Variants in CSMD1 observed in about 807,000 individuals in gnomAD.
CSMD1 encodes CUB and sushi domain-containing protein 1.
In CSMD1, 213 loss-of-function variants were observed where a neutral mutation model predicts 417.5. The ratio of observed to expected loss-of-function variants is 0.51; its 90% CI spans 0.46 to 0.57. CSMD1 has a LOEUF of 0.57. CSMD1 is among the 20% of genes least tolerant of loss of function. CSMD1 has a pLI of 0.00. For missense variants in CSMD1, 6,923 were observed against 4,529.7 expected, an observed-to-expected ratio of 1.53 and a Z score of -15.17; for synonymous variants, 2,862 against 1,736.8, an observed-to-expected ratio of 1.65 and a Z score of -16.11.
chr8:4,112,158 A>C (rs1419407217), intron 3 of CSMD1, among the ~76,000 whole-genome samples: 3 of 152,186 alleles, frequency 2.0e-5, no homozygotes, highest in Non-Finnish European at 4.4e-5. Flanking sequence ...CAGAGCTTAA[A>C]AGAGCTGGGC....
At chr8:3,293,369 G>T (rs1174924476) in intron 25 of CSMD1, among the ~76,000 whole-genome samples, 1 of 152,022 alleles carries the variant, frequency 6.6e-6, no homozygotes, top group Non-Finnish European at 1.5e-5. Context: ...TTGAATGTTG[G>T]CCTGCCTTGC....
intron 8 of CSMD1, among the ~76,000 whole-genome samples, chr8:3,593,112 C>T (rs374631501): frequency 6.3e-4 from 96 of 152,292 alleles, no homozygotes; most frequent in African/African-American, 2.1e-3. Flanking sequence ...GTCTGGCTAC[C>T]GCCAGAACTT....
chr8:3,149,274 G>C (rs1819045985), intron 40 of CSMD1, among the ~76,000 whole-genome samples: 1 of 152,144 alleles, frequency 6.6e-6, no homozygotes, highest in African/African-American at 2.4e-5. Flanking sequence ...GGAAAAATAA[G>C]TTAAGAAAAT....
At chr8:4,270,734 G>C (rs575814632) in intron 3 of CSMD1, among the ~76,000 whole-genome samples, 2 of 152,104 alleles carry the variant, frequency 1.3e-5, no homozygotes, top group Admixed American at 6.5e-5. Context: ...TAGAAATATT[G>C]TGTTTGAGGA....
At chr8:3,607,600 G>A (rs369982386) in intron 8 of CSMD1, among the ~76,000 whole-genome samples, 12 of 152,154 alleles carry the variant, frequency 7.9e-5, no homozygotes, top group Admixed American at 7.2e-4. Flanking sequence ...CCAGGCAATG[G>A]AAATCTTTCA....
chr8:4,609,198 C>T (rs1801039874), intron 2 of CSMD1, among the ~76,000 whole-genome samples: 1 of 152,054 alleles, frequency 6.6e-6, no homozygotes, highest in Non-Finnish European at 1.5e-5. Context: ...TCTGGTGTTC[C>T]AGACCAGCCT....
chr8:4,327,637 A>C (rs1799634661), intron 3 of CSMD1, among the ~76,000 whole-genome samples: 1 of 152,202 alleles, frequency 6.6e-6, no homozygotes, highest in Admixed American at 6.5e-5. Context: ...AAACAACAAC[A>C]ACAAAAAACA....
chr8:3,053,192 A>AATT (rs1434784044), intron 49 of CSMD1, among the ~76,000 whole-genome samples: 5 of 152,176 alleles, frequency 3.3e-5, no homozygotes, highest in Non-Finnish European at 5.9e-5. Context: ...AGCTCTTCAT[A>AATT]ATTATTTTTC....
chr8:3,883,228 A>C (rs1806322614), intron 5 of CSMD1, among the ~76,000 whole-genome samples: 1 of 152,304 alleles, frequency 6.6e-6, no homozygotes, highest in East Asian at 1.9e-4. Context: ...TGAATGATTC[A>C]TTTGACCTGT....
At chr8:4,184,266 C>G (rs1798541399) in intron 3 of CSMD1, among the ~76,000 whole-genome samples, 1 of 152,276 alleles carries the variant, frequency 6.6e-6, no homozygotes, top group South Asian at 2.1e-4. Flanking sequence ...AGCCCATATG[C>G]TCATTTATAA....
At position 4,360,980 on chromosome 8, in the gene CSMD1, A is replaced by G. The variant is rs528361978; in HGVS notation, c.415+58973T>C. Reference sequence around the variant, plus strand: ...GAGGAATACTTGACTGACAGTAGATATTTGACTAATATTTGAAGACATTTT... The same window carrying G: ...GAGGAATACTTGACTGACAGTAGATGTTTGACTAATATTTGAAGACATTTT... On this transcript the variant is annotated intron_variant, in intron 3 of 69. Transcript: ENST00000635120. Among the ~76,000 whole-genome samples the G allele has an allele frequency of 1.0e-3, 153 of 152,282 alleles. 1 individual carries two copies. In the South Asian group the frequency reaches 0.012, roughly 12 times the overall value.
intron 1 of CSMD1, among the ~76,000 whole-genome samples, chr8:4,885,856 T>A (rs565516819): frequency 6.4e-4 from 97 of 152,116 alleles, no homozygotes; most frequent in Non-Finnish European, 7.6e-4. Context: ...TTTGCTCTTA[T>A]CTGAAAACAA....
At chr8:4,465,622 G>C (rs1258312977) in intron 2 of CSMD1, among the ~76,000 whole-genome samples, 3 of 152,218 alleles carry the variant, frequency 2.0e-5, no homozygotes, top group African/African-American at 7.2e-5. Context: ...ATTAAGTTAA[G>C]GCCTCAGTAG....
intron 33 of CSMD1, among the ~76,000 whole-genome samples, chr8:3,193,707 T>C (rs1357617464): frequency 1.3e-5 from 2 of 152,136 alleles, no homozygotes; most frequent in Non-Finnish European, 2.9e-5. Flanking sequence ...AACAAAATGA[T>C]TGACTTCTCA....
chr8:4,530,227 G>C (rs1285905572), intron 2 of CSMD1, among the ~76,000 whole-genome samples: 5 of 145,764 alleles, frequency 3.4e-5, no homozygotes, highest in Admixed American at 2.8e-4. Flanking sequence ...ATTGTTATTT[G>C]TGACTGCATA....
chr8:4,407,742 G>C (rs920158078), intron 3 of CSMD1, among the ~76,000 whole-genome samples: 1 of 152,126 alleles, frequency 6.6e-6, no homozygotes, highest in Non-Finnish European at 1.5e-5. Context: ...ATGCATGTAA[G>C]CATTCCTTTA....
chr8:3,789,701 A>G (rs1033772428), intron 5 of CSMD1, among the ~76,000 whole-genome samples: 1 of 149,638 alleles, frequency 6.7e-6, no homozygotes, highest in Admixed American at 6.7e-5. Context: ...AGTATTTATC[A>G]TAGATGTTAA....
intron 2 of CSMD1, among the ~76,000 whole-genome samples, chr8:4,490,254 T>A (rs886109954): frequency 6.6e-6 from 1 of 151,984 alleles, no homozygotes; most frequent in African/African-American, 2.4e-5. Flanking sequence ...CTTGGCCAGG[T>A]TGATCTTGAA....
Position 3,606,749 on chromosome 8 carries a change from T to G in CSMD1, c.1097+9961A>C, listed in dbSNP as rs1489430558. 2.0e-5 allele frequency among the ~76,000 whole-genome samples: 3 copies of G among 150,628 alleles called. No homozygotes were observed. The East Asian group carries it at 5.9e-4, about 29-fold the overall frequency. On this transcript the variant is annotated intron_variant, in intron 8 of 69. Coordinates refer to ENST00000635120, the MANE Select transcript of CSMD1 (RefSeq NM_033225.6). ...TTTTTTGAGACAGAGTCTCACTGGG[T>G]CCCCAGGCTGGGGTACAGTGGCGTG...
Sources: gnomAD v4.1 joint callset for allele counts (sites outside exome capture counted in the v4.1 genomes callset) on GRCh38, gnomAD v4.1.1 for gene constraint, MANE v1.5 for transcripts, NCBI Gene and HGNC (gene_info 2026-07-23, HGNC 2026-07-21) for gene names.